The following IVD variants were observed in gnomAD, a reference collection of about 807,000 sequenced individuals.
IVD encodes isovaleryl-CoA dehydrogenase, mitochondrial.
Under a neutral mutation model 51.3 loss-of-function variants are expected in IVD, and 31 were observed. That is an observed-to-expected ratio of 0.60 (90% CI 0.45 to 0.81). The LOEUF (loss-of-function observed/expected upper bound fraction) is 0.81. Among genes scored for constraint, IVD ranks in the 40% least tolerant of loss-of-function variants. The pLI is 0.00. For missense variants in IVD, 475 were observed against 552.0 expected (o/e 0.86, Z 1.40); for synonymous variants, 205 against 219.4 (o/e 0.93, Z 0.58).
At chr15:40,427,548 A>G (rs1331641335), downstream of IVD, among the ~76,000 whole-genome samples, 2 of 152,196 alleles carry the variant, frequency 1.3e-5, no homozygotes, top group Non-Finnish European at 2.9e-5. Context: ...AAGTCTTTCT[A>G]TTTACAGGAA....
downstream of IVD, chr15:40,421,352 A>G (rs556059200): frequency 1.0e-6 from 1 of 985,458 alleles, no homozygotes; most frequent in East Asian, 1.1e-4. Context: ...GGGCACGTCT[A>G]CTTTGGTTCT....
At position 40,419,084 on chromosome 15, in the gene IVD, C is replaced by G. The variant is rs558747313; in HGVS notation, c.*821C>G. 1 of 1,163,268 alleles carries G rather than the reference C, an allele frequency of 8.6e-7. No homozygotes were observed. The highest frequency in any genetic ancestry group is 2.3e-5 in the Admixed American group (1 of 43,092). The allele number at this position is 1,163,268 out of a possible 1,614,324, so 72.1% of individuals were successfully genotyped here. A position where few individuals can be genotyped will look rare whatever the true frequency, so the allele number is the denominator to read the frequency against. ...CCAGGAGGCGGACGTTGCAGTGAGC[C>G]GAGCTTGTGCCATTGCACTCCAGCC... On this transcript the variant is annotated 3_prime_UTR_variant, in exon 12 of 12. Coordinates refer to ENST00000487418, the MANE Select transcript of IVD (RefSeq NM_002225.5).
intron 11 of IVD, among the ~76,000 whole-genome samples, chr15:40,417,821 G>C (rs543449578): frequency 1.3e-5 from 2 of 152,212 alleles, no homozygotes; most frequent in South Asian, 4.2e-4. Flanking sequence ...TATTATTGTT[G>C]ATCTGTTACT....
In IVD at chr15:40,415,482, G is replaced by C. The variant is rs367814475; in HGVS notation, c.960G>C (p.Gln320His). The part of the protein sequence containing the change: ...EAFGQKIGHF[Q>H]LMQGKMADMY... ...TTGGCCAGAAGATCGGCCACTTCCA[G>C]GTGAGCCGAGTGCTTTTGCTGACAT... Residue 320 changes from glutamine (Q) to histidine (H), a missense_variant and splice_region_variant, in exon 9 of 12, where the codon CAG (glutamine) becomes CAC (histidine). Gln to His is a conservative substitution (Grantham distance 24). Transcript: ENST00000487418. 6.2e-7 allele frequency: 1 copy of C among 1,613,476 alleles called. No homozygotes were observed. The highest frequency in any genetic ancestry group is 1.3e-5 in the African/African-American group (1 of 74,914).
chr15:40,420,143 G>A lies in IVD; in HGVS notation c.*1880G>A. The stretch of plus-strand genomic sequence containing the variant: ...AATAAATGAACACACATGCTGCTGA[G>A]TCCGCAGGGGGGGCAGAGCAGAGGA... On this transcript the variant is annotated 3_prime_UTR_variant, in exon 12 of 12. Transcript: ENST00000487418. 1.1e-6 allele frequency: 1 copy of A among 948,228 alleles called. No individual in the cohort carries two copies. Among genetic ancestry groups the A allele is most frequent in the Non-Finnish European group, 1.2e-6 (1 of 811,338 alleles). 58.7% of individuals were successfully genotyped at this position (948,228 alleles called of 1,614,324 possible). A position where few individuals can be genotyped will look rare whatever the true frequency, so the allele number is the denominator to read the frequency against.
intron 1 of IVD, among the ~76,000 whole-genome samples, chr15:40,407,162 C>T (rs1213623809): frequency 2.6e-5 from 4 of 152,236 alleles, no homozygotes; most frequent in African/African-American, 9.6e-5. Context: ...CATGCCCAGC[C>T]GCCAAGAGGC....
At chr15:40,407,798 T>A in intron 2 of IVD, 73 bp downstream of exon 2, 1 of 1,450,048 alleles carries the variant, frequency 6.9e-7, no homozygotes, top group Non-Finnish European at 9.6e-7. Context: ...CTGGAAGAGC[T>A]CACACAGTTT....
chr15:40,420,323 G>A lies in IVD; in HGVS notation c.*2060G>A, dbSNP rs1260514272. The A allele has an allele frequency of 1.2e-5, 12 of 987,566 alleles. No homozygotes were observed. The highest frequency in any genetic ancestry group is 5.2e-5 in the African/African-American group (3 of 57,320). The allele number at this position is 987,566 out of a possible 1,614,324, so 61.2% of individuals were successfully genotyped here. On this transcript the variant is annotated 3_prime_UTR_variant, in exon 12 of 12. Transcript: ENST00000487418. ...GGCACAGGCCCTACCCGAGCAGGCC[G>A]GAGTTGGCTCGCATGACTCCAGCTG... is the stretch of plus-strand genomic sequence containing the variant.
rs534043098 is a variant in IVD at position 40,420,451 on chromosome 15, A to G, written c.*2188A>G. On this transcript the variant is annotated 3_prime_UTR_variant, in exon 12 of 12. Coordinates refer to ENST00000487418, the MANE Select transcript of IVD (RefSeq NM_002225.5). ...ATTAAATATATTGTGAAACAAACCT[A>G]TCTGGGGAGAAGCAATCTACTTGCC... The G allele has an allele frequency of 7.7e-5, 76 of 987,630 alleles. No individual in the cohort carries two copies. The African/African-American group carries it at 1.2e-3, about 15-fold the overall frequency. The allele number at this position is 987,630 out of a possible 1,614,324, so 61.2% of individuals were successfully genotyped here.
chr15:40,418,612 A>G lies in IVD; in HGVS notation c.*349A>G. 3.9e-6 allele frequency: 4 copies of G among 1,033,630 alleles called. No homozygotes were observed. The South Asian group carries it at 7.8e-5, about 20-fold the overall frequency. 64.0% of individuals were successfully genotyped at this position (1,033,630 alleles called of 1,614,324 possible). On this transcript the variant is annotated 3_prime_UTR_variant, in exon 12 of 12. Transcript: ENST00000487418. Reference sequence around the variant, plus strand: ...GGGGGCATGCAGGTGCCCACCTCCCAGGGTAGGCACCTGGGGGCATGCAGG... The same window carrying G: ...GGGGGCATGCAGGTGCCCACCTCCCGGGGTAGGCACCTGGGGGCATGCAGG...
chr15:40,418,596 C>A lies in IVD; in HGVS notation c.*333C>A. The A allele has an allele frequency of 1.1e-6, 1 of 915,964 alleles. No individual in the cohort carries two copies. The highest frequency in any genetic ancestry group is 2.0e-5 in the South Asian group (1 of 49,076). 56.7% of individuals were successfully genotyped at this position (915,964 alleles called of 1,614,324 possible). A position where few individuals can be genotyped will look rare whatever the true frequency, so the allele number is the denominator to read the frequency against. On this transcript the variant is annotated 3_prime_UTR_variant, in exon 12 of 12. Transcript: ENST00000487418. Reference sequence around the variant, plus strand: ...CCCAGGGTAGGCACCTGGGGGCATGCAGGTGCCCACCTCCCAGGGTAGGCA... The same window carrying A: ...CCCAGGGTAGGCACCTGGGGGCATGAAGGTGCCCACCTCCCAGGGTAGGCA...
intron 7 of IVD, among the ~76,000 whole-genome samples, chr15:40,430,319 A>G (rs1466935109): frequency 6.6e-6 from 1 of 152,234 alleles, no homozygotes; most frequent in East Asian, 1.9e-4. Context: ...CCGGGGAGGC[A>G]GATCTTAGCC....
At chr15:40,431,802 A>C (rs749444243) in intron 7 of IVD, among the ~76,000 whole-genome samples, 1 of 152,194 alleles carries the variant, frequency 6.6e-6, no homozygotes. Flanking sequence ...GAGGGAAGCA[A>C]TGAAAAAGGC....
rs775119884 is a variant in IVD at position 40,410,650 on chromosome 15, G to A, written c.309G>A (p.Leu103=). ...TAPVQYGGSG[L]GYLEHVLVME... ...CAGTTCAGTATGGCGGCTCCGGCCT[G>A]GGCTACCTGGAGCATGTGCTGGTGA... is the stretch of plus-strand genomic sequence containing the variant. The change falls in exon 4 of 12, where the codon CTG becomes CTA. Residue 103 remains leucine, a synonymous_variant. Transcript: ENST00000487418. 1.2e-5 allele frequency: 19 copies of A among 1,614,174 alleles called. No homozygotes were observed. The highest frequency in any genetic ancestry group is 1.5e-5 in the Non-Finnish European group (18 of 1,180,034).
chr15:40,421,458 A>G (rs1372204097), downstream of IVD: 2 of 952,768 alleles, frequency 2.1e-6, no homozygotes, highest in Admixed American at 6.2e-5. Flanking sequence ...CTCCACTCCA[A>G]TTTTAGGCAG....
chr15:40,435,082 A>G (rs1893191067), intron 8 of IVD, among the ~76,000 whole-genome samples: 1 of 152,222 alleles, frequency 6.6e-6, no homozygotes, highest in South Asian at 2.1e-4. Context: ...AATTGCATAT[A>G]CCTACTGAGA....
Position 40,405,944 on chromosome 15 carries a change from C to T in IVD, c.117C>T (p.Ile39=). 1 of 1,612,690 alleles carries T rather than the reference C, an allele frequency of 6.2e-7. No individual in the cohort carries two copies. The highest frequency in any genetic ancestry group is 8.5e-7 in the Non-Finnish European group (1 of 1,179,646). The change falls in exon 1 of 12, where the codon ATC becomes ATT. Residue 39 remains isoleucine, a synonymous_variant. Coordinates refer to ENST00000487418, the MANE Select transcript of IVD (RefSeq NM_002225.5). Reference sequence around the variant, plus strand: ...CGCTTTTGCCCGTGGACGATGCAATCAATGGGCTAAGCGAGGAGCAGAGGC... The same window carrying T: ...CGCTTTTGCCCGTGGACGATGCAATTAATGGGCTAAGCGAGGAGCAGAGGC... ...AHSLLPVDDA[I]NGLSEEQRQL... is the part of the protein sequence containing the mutation.
At chr15:40,427,325 A>T (rs561013958), downstream of IVD, among the ~76,000 whole-genome samples, 12 of 152,362 alleles carry the variant, frequency 7.9e-5, no homozygotes, top group South Asian at 1.9e-3. Context: ...ATGGACATGC[A>T]TACGTCTGCA....
At chr15:40,426,056 C>CA, downstream of IVD, among the ~76,000 whole-genome samples, 1 of 151,868 alleles carries the variant, frequency 6.6e-6, no homozygotes, top group East Asian at 1.9e-4. Flanking sequence ...CCTTCTGCTT[C>CA]AGCCTCCCAA....
Sources: gnomAD v4.1 joint callset for allele counts (sites outside exome capture counted in the v4.1 genomes callset) on GRCh38, gnomAD v4.1.1 for gene constraint, MANE v1.5 for transcripts, NCBI Gene and HGNC (gene_info 2026-07-23, HGNC 2026-07-21) for gene names.